The following AADAT variants were observed in gnomAD, a reference collection of about 807,000 sequenced individuals.
AADAT encodes the protein aminoadipate aminotransferase, also known as kynurenine/alpha-aminoadipate aminotransferase, mitochondrial.
Under a neutral mutation model 56.2 loss-of-function variants are expected in AADAT, and 25 were observed. The ratio of observed to expected loss-of-function variants is 0.44; its 90% CI spans 0.32 to 0.62. AADAT has a LOEUF of 0.62. Among genes scored for constraint, AADAT ranks in the 20% least tolerant of loss-of-function variants. The pLI, the probability that AADAT is intolerant of heterozygous loss-of-function variation, is 0.04. For missense variants in AADAT, 387 were observed against 510.5 expected (o/e 0.76, Z 2.33); for synonymous variants, 173 against 164.7 (o/e 1.05, Z -0.39).
chr4:170,070,134 T>C (rs1454503437), intron 6 of AADAT, among the ~76,000 whole-genome samples: 1 of 152,054 alleles, frequency 6.6e-6, no homozygotes, highest in African/African-American at 2.4e-5. Flanking sequence ...GCACAGCCTC[T>C]TTCTCCTTCA....
At chr4:170,078,454 A>C (rs1732141223) in intron 4 of AADAT, 55 bp downstream of exon 4, 1 of 1,020,170 alleles carries the variant, frequency 9.8e-7, no homozygotes, top group South Asian at 1.6e-5. Context: ...CTTTATTATA[A>C]GTTTTCTTCT....
At chr4:170,083,772 T>C (rs746574830) in intron 3 of AADAT, among the ~76,000 whole-genome samples, 64 of 152,174 alleles carry the variant, frequency 4.2e-4, no homozygotes, top group Non-Finnish European at 7.8e-4. Context: ...GGGGAACCTT[T>C]ATACACTTTA....
At chr4:170,074,267 A>G (rs1731932527) in intron 4 of AADAT, among the ~76,000 whole-genome samples, 1 of 152,018 alleles carries the variant, frequency 6.6e-6, no homozygotes, top group South Asian at 2.1e-4. Flanking sequence ...GGTATACTGC[A>G]TGATGCTGAG....
At position 170,060,852 on chromosome 4, in the gene AADAT, T is replaced by C; in HGVS notation, c.*76A>G. The C allele has an allele frequency of 7.9e-7, 1 of 1,273,510 alleles. No homozygotes were observed. Among genetic ancestry groups the C allele is most frequent in the Non-Finnish European group, 1.1e-6 (1 of 933,216 alleles). 78.9% of individuals were successfully genotyped at this position (1,273,510 alleles called of 1,614,324 possible). On this transcript the variant is annotated 3_prime_UTR_variant, in exon 13 of 13. Transcript: ENST00000337664. Reference sequence around the variant, plus strand: ...GCAGCCTTGAATTCCTGGGTTCAAGTGATCCTCCCTCCTCTGCCTCCCAAA... The same window carrying C: ...GCAGCCTTGAATTCCTGGGTTCAAGCGATCCTCCCTCCTCTGCCTCCCAAA...
rs1732677405 is a variant in AADAT at position 170,088,570 on chromosome 4, A to G, written c.68-6T>C. 2 of 1,600,198 alleles carry G rather than the reference A, an allele frequency of 1.2e-6. No homozygotes were observed. Among genetic ancestry groups the G allele is most frequent in the East Asian group, 2.2e-5 (1 of 44,514 alleles). The stretch of plus-strand genomic sequence containing the variant: ...TCCTCTGCTCAATATGTCAGCTACA[A>G]TACACATGGAAGAGAAGAAACAATT... On this transcript the variant is annotated splice_polypyrimidine_tract_variant and splice_region_variant and intron_variant, in intron 1 of 12. Transcript: ENST00000337664.
chr4:170,092,844 C>G (rs907833215), upstream of AADAT, among the ~76,000 whole-genome samples: 12 of 152,224 alleles, frequency 7.9e-5, no homozygotes, highest in Non-Finnish European at 1.6e-4. Flanking sequence ...TTAAGCAAAC[C>G]TTAAGGCCTC....
At chr4:170,064,519 T>C (rs1731351964) in intron 11 of AADAT, among the ~76,000 whole-genome samples, 200 bp downstream of exon 11, 1 of 152,214 alleles carries the variant, frequency 6.6e-6, no homozygotes, top group Admixed American at 6.5e-5. Flanking sequence ...ATATTTCCAC[T>C]AATTTAGACC....
At position 170,068,548 on chromosome 4, in the gene AADAT, A is replaced by G. The variant is rs752465113; in HGVS notation, c.900+43T>C. ...CATCTATTATTTTTTTAAAATTCTA[A>G]TCTGATTACAAAAAAAAAATCGATT... On this transcript the variant is annotated intron_variant, in intron 8 of 12. Transcript: ENST00000337664. 7 of 1,410,528 alleles carry G rather than the reference A, an allele frequency of 5.0e-6. No homozygotes were observed. The East Asian group carries it at 1.5e-4, about 29-fold the overall frequency. The allele number at this position is 1,410,528 out of a possible 1,614,324, so 87.4% of individuals were successfully genotyped here.
At chr4:170,083,174 C>G (rs1472045265) in intron 3 of AADAT, among the ~76,000 whole-genome samples, 2 of 151,730 alleles carry the variant, frequency 1.3e-5, no homozygotes, top group African/African-American at 2.4e-5. Flanking sequence ...TAAAAAAACC[C>G]AAATCTTATC....
intron 4 of AADAT, among the ~76,000 whole-genome samples, chr4:170,077,693 A>C (rs1732104059): frequency 6.6e-6 from 1 of 152,204 alleles, no homozygotes; most frequent in South Asian, 2.1e-4. Flanking sequence ...AAGTCCGGTA[A>C]GGCCAATGGT....
chr4:170,089,658 G>A lies in AADAT; in HGVS notation c.33C>T (p.Ser11=). MNYARFITAA[S]AARNPSPIRT... The stretch of plus-strand genomic sequence containing the variant: ...GGATGGGAGAAGGGTTTCTGGCTGC[G>A]CTCGCTGCCGTGATGAACCGTGCGT... The change falls in exon 1 of 13, where the codon AGC becomes AGT. Residue 11 remains serine (S), a synonymous_variant. Coordinates refer to ENST00000337664, the MANE Select transcript of AADAT (RefSeq NM_016228.4). 1 of 1,614,154 alleles carries A rather than the reference G, an allele frequency of 6.2e-7. No individual in the cohort carries two copies. Among genetic ancestry groups the A allele is most frequent in the Non-Finnish European group, 8.5e-7 (1 of 1,180,022 alleles).
intron 4 of AADAT, among the ~76,000 whole-genome samples, chr4:170,076,992 C>A (rs1209653261): frequency 6.6e-6 from 1 of 152,176 alleles, no homozygotes; most frequent in Admixed American, 6.5e-5. Context: ...ATGATCTTGG[C>A]ACCCTTACTG....
At position 170,073,623 on chromosome 4, in the gene AADAT, C is replaced by G. The variant is rs897398652; in HGVS notation, c.445-278G>C. ...AAGTGATTCTCCTGCTTTAGCCTCC[C>G]GAGTAGCTGGGGACTACAGGTGCAC... On this transcript the variant is annotated intron_variant, in intron 4 of 12. Coordinates refer to ENST00000337664, the MANE Select transcript of AADAT (RefSeq NM_016228.4). 2.0e-5 allele frequency among the ~76,000 whole-genome samples: 3 copies of G among 151,784 alleles called. No homozygotes were observed. In the South Asian group the frequency reaches 6.2e-4, roughly 32 times the overall value.
intron 3 of AADAT, among the ~76,000 whole-genome samples, chr4:170,084,331 A>G (rs186095677): frequency 6.6e-6 from 1 of 152,326 alleles, no homozygotes; most frequent in East Asian, 1.9e-4. Flanking sequence ...AGCAAATCTT[A>G]TATGTGTATT....
chr4:170,061,790 C>A, intron 12 of AADAT, 102 bp downstream of exon 12: 7 of 764,030 alleles, frequency 9.2e-6, no homozygotes, highest in East Asian at 9.1e-5. Context: ...TTTTAGAAAC[C>A]CAAACAGATA....
intron 10 of AADAT, 65 bp downstream of exon 10, chr4:170,066,349 G>A: frequency 7.5e-7 from 1 of 1,326,564 alleles, no homozygotes; most frequent in Non-Finnish European, 1.1e-6. Flanking sequence ...GTAATATTCA[G>A]TGTTTATCCC....
At chr4:170,093,735 A>G (rs755866115), upstream of AADAT, among the ~76,000 whole-genome samples, 83 of 152,080 alleles carry the variant, frequency 5.5e-4, no homozygotes, top group Non-Finnish European at 9.6e-4. Context: ...AGCTGGGACT[A>G]CAGGTGAACA....
intron 4 of AADAT, among the ~76,000 whole-genome samples, chr4:170,074,535 A>G (rs1227420871): frequency 6.6e-6 from 1 of 152,196 alleles, no homozygotes; most frequent in African/African-American, 2.4e-5. Flanking sequence ...GTGTTCATAT[A>G]TAAAACAGTC....
chr4:170,074,859 T>C (rs924845796), intron 4 of AADAT, among the ~76,000 whole-genome samples: 9 of 152,120 alleles, frequency 5.9e-5, no homozygotes, highest in African/African-American at 1.9e-4. Context: ...TCATTCATGG[T>C]TGAGCATTAA....
Sources: allele counts gnomAD v4.1 joint callset (sites outside exome capture counted in the v4.1 genomes callset), GRCh38; gene constraint gnomAD v4.1.1; transcripts MANE v1.5; gene names NCBI Gene and HGNC (gene_info 2026-07-23, HGNC 2026-07-21).